Variants in EPG5 observed in about 807,000 individuals in gnomAD.
EPG5 encodes the protein ectopic P-granules 5 autophagy tethering factor.
In EPG5, 159 loss-of-function variants were observed where a neutral mutation model predicts 302.7. That is an observed-to-expected ratio of 0.53 (90% CI 0.46 to 0.60). The LOEUF is 0.60. Among genes scored for constraint, EPG5 ranks in the 20% least tolerant of loss-of-function variants. The pLI is 0.00. For synonymous variants in EPG5, 1,158 were observed against 1,136.8 expected, an observed-to-expected ratio of 1.02 and a Z score of -0.37; for missense variants, 2,896 against 3,092.4, an observed-to-expected ratio of 0.94 and a Z score of 1.51.
chr18:45,884,535 A>C, intron 30 of EPG5, 82 bp downstream of exon 30: 1 of 1,300,864 alleles, frequency 7.7e-7, no homozygotes, highest in Non-Finnish European at 1.1e-6. Flanking sequence ...AAAACTGCAG[A>C]GGTCCTTTTA....
chr18:45,913,105 G>C (rs200164467), intron 21 of EPG5, among the ~76,000 whole-genome samples: 2 of 147,674 alleles, frequency 1.4e-5, no homozygotes, highest in Non-Finnish European at 3.0e-5. Flanking sequence ...AAAAAAAAAA[G>C]AAAAAGAAAA....
rs758279694 is a variant in EPG5 at position 45,951,221 on chromosome 18, T to C, written c.1270A>G (p.Ser424Gly). ...QQGRASKQTE[S>G]IPSDLCQLKE... is the part of the protein sequence containing the mutation. ...AGTTGACACAGATCAGAGGGAATGC[T>C]TTCTGTCTGCTTAGACGCTGTAAAT... Residue 424 changes from serine to glycine, a missense_variant, in exon 4 of 44, where the codon AGC becomes GGC. Around this residue, in one of 5 missense-constraint regions of EPG5, gnomAD observed 1,390 missense variants for 1,430.0 expected, o/e 0.97. Transcript: ENST00000282041. 8.3e-6 allele frequency: 13 copies of C among 1,559,938 alleles called. No individual in the cohort carries two copies. In the Admixed American group the frequency reaches 2.5e-4, roughly 30 times the overall value.
chr18:45,917,282 T>TCTGTTTGCAACACTGCA (rs1027980677), intron 17 of EPG5, among the ~76,000 whole-genome samples: 1 of 152,210 alleles, frequency 6.6e-6, no homozygotes, highest in African/African-American at 2.4e-5. Context: ...TAGCATCTTA[T>TCTGTTTGCAACACTGCA]CTGTTTGCAA....
intron 1 of EPG5, among the ~76,000 whole-genome samples, chr18:45,966,234 T>C (rs1029083143): frequency 2.6e-5 from 4 of 151,210 alleles, no homozygotes; most frequent in Non-Finnish European, 4.4e-5. Flanking sequence ...TAGCCGGGCG[T>C]GGTGGCAGGC....
At chr18:45,898,875 C>T (rs1003757854) in intron 27 of EPG5, among the ~76,000 whole-genome samples, 4 of 152,184 alleles carry the variant, frequency 2.6e-5, no homozygotes, top group African/African-American at 9.7e-5. Context: ...GCCTGTAATG[C>T]CAGCACTTTG....
intron 14 of EPG5, among the ~76,000 whole-genome samples, chr18:45,924,942 A>G (rs182690387): frequency 5.6e-4 from 86 of 152,332 alleles, no homozygotes; most frequent in African/African-American, 2.0e-3. Flanking sequence ...AATGTTTACA[A>G]ATAAGCAACT....
chr18:45,946,852 A>G (rs1180785015), intron 6 of EPG5, 84 bp from the exon 7 acceptor site: 10 of 1,034,560 alleles, frequency 9.7e-6, no homozygotes, highest in African/African-American at 1.6e-5. Context: ...CCTGAAGAAG[A>G]GCCACACATC....
the EPG5 span, among the ~76,000 whole-genome samples, chr18:45,813,178 C>G: frequency 4.6e-5 from 7 of 152,196 alleles, no homozygotes; most frequent in African/African-American, 1.7e-4. Context: ...CTCATCATGA[C>G]TGGCCATCAA....
chr18:45,885,847 A>G (rs1241624758), intron 29 of EPG5, among the ~76,000 whole-genome samples: 1 of 152,186 alleles, frequency 6.6e-6, no homozygotes, highest in Non-Finnish European at 1.5e-5. Context: ...AAGCAATCGG[A>G]AAACAAGAAT....
At chr18:45,845,965 G>A (rs549898822), downstream of EPG5, among the ~76,000 whole-genome samples, 55 of 152,330 alleles carry the variant, frequency 3.6e-4, no homozygotes, top group Admixed American at 3.3e-4. Flanking sequence ...GCCCTGCCTT[G>A]AGATGGAAAT....
chr18:45,923,494 A>G (rs2050201388), intron 14 of EPG5, 107 bp from the exon 15 acceptor site: 2 of 1,240,568 alleles, frequency 1.6e-6, no homozygotes, highest in African/African-American at 3.0e-5. Context: ...TCTTCGATGT[A>G]GAAGCTAAAT....
At chr18:45,827,060 G>A in the EPG5 span, among the ~76,000 whole-genome samples, 31 of 152,174 alleles carry the variant, frequency 2.0e-4, no homozygotes, top group Admixed American at 1.7e-3. Flanking sequence ...GATTACAAGT[G>A]TGTGCCACCA....
intron 14 of EPG5, among the ~76,000 whole-genome samples, chr18:45,925,209 G>A (rs1485902108): frequency 6.6e-6 from 1 of 152,222 alleles, no homozygotes; most frequent in African/African-American, 2.4e-5. Flanking sequence ...GGTGGCTCAT[G>A]CCTGTAATTC....
the EPG5 span, among the ~76,000 whole-genome samples, chr18:45,831,731 AG>A: frequency 6.9e-6 from 1 of 145,952 alleles, no homozygotes; most frequent in Non-Finnish European, 1.5e-5. Flanking sequence ...TGTAGTGTCC[AG>A]GTACCAACAT....
chr18:45,866,320 C>A (rs893295817), intron 38 of EPG5, among the ~76,000 whole-genome samples: 1 of 152,074 alleles, frequency 6.6e-6, no homozygotes. Flanking sequence ...GGGCTTTCAC[C>A]ATGTTGGCCA....
At chr18:45,914,964 T>C (rs2049994598) in intron 20 of EPG5, among the ~76,000 whole-genome samples, 1 of 71,278 alleles carries the variant, frequency 1.4e-5, no homozygotes, top group Admixed American at 1.6e-4. Context: ...AAAATGTTTT[T>C]TAATTTAAAA....
chr18:45,930,842 T>C lies in EPG5; in HGVS notation c.2258-12A>G, dbSNP rs2145819905. ...AAAATGTTCTGGGTCTGCAAGTTCATATCAAGAAAATTAGAGTGGGGAAAG... is the reference window on the plus strand; with the variant it reads ...AAAATGTTCTGGGTCTGCAAGTTCACATCAAGAAAATTAGAGTGGGGAAAG... On this transcript the variant is annotated splice_polypyrimidine_tract_variant and intron_variant, in intron 11 of 43. Coordinates refer to ENST00000282041, the MANE Select transcript of EPG5 (RefSeq NM_020964.3). 8 of 1,575,940 alleles carry C rather than the reference T, an allele frequency of 5.1e-6. No homozygotes were observed. The highest frequency in any genetic ancestry group is 1.7e-4 in the Middle Eastern group (1 of 5,962).
intron 8 of EPG5, 136 bp downstream of exon 8, chr18:45,943,869 C>T (rs2050727840): frequency 5.2e-6 from 3 of 578,648 alleles, no homozygotes; most frequent in South Asian, 2.1e-5. Context: ...TGCAGTGAGC[C>T]GAGATCGCGC....
chr18:45,877,427 T>A (rs931631209), intron 34 of EPG5, among the ~76,000 whole-genome samples: 7 of 151,584 alleles, frequency 4.6e-5, no homozygotes, highest in East Asian at 1.9e-4. Flanking sequence ...TTAAAAAAAA[T>A]TTTTTTTTAT....
Sources: gnomAD v4.1 joint callset for allele counts (sites outside exome capture counted in the v4.1 genomes callset) on GRCh38, gnomAD v4.1.1 for gene constraint, gnomAD v4.1.1 regional missense constraint, MANE v1.5 for transcripts, NCBI Gene and HGNC (gene_info 2026-07-23, HGNC 2026-07-21) for gene names.